SCAMP1: variants seen among roughly 807,000 people sequenced by gnomAD.
SCAMP1 encodes the protein secretory carrier membrane protein 1.
SCAMP1 carries 15 observed loss-of-function variants against 41.8 expected under a neutral mutation model. That is an observed-to-expected ratio of 0.36 (90% CI 0.24 to 0.55). SCAMP1 has a LOEUF of 0.55. SCAMP1 is among the 20% of genes least tolerant of loss of function. The pLI is 0.86. For missense variants in SCAMP1, 341 were observed against 412.6 expected, an observed-to-expected ratio of 0.83 and a Z score of 1.50; for synonymous variants, 135 against 136.8, an observed-to-expected ratio of 0.99 and a Z score of 0.09.
chr5:78,464,234 C>G (rs920115003), intron 8 of SCAMP1, among the ~76,000 whole-genome samples: 2 of 152,108 alleles, frequency 1.3e-5, no homozygotes, highest in African/African-American at 4.8e-5. Context: ...GCCTCCAACT[C>G]CCTGGTTCAA....
intron 1 of SCAMP1, among the ~76,000 whole-genome samples, chr5:78,387,690 GC>G (rs1751379554): frequency 6.6e-6 from 1 of 152,234 alleles, no homozygotes; most frequent in South Asian, 2.1e-4. Flanking sequence ...TACGGATGGG[GC>G]TTCCTGAGAG....
At chr5:78,395,563 T>C (rs549273019) in intron 2 of SCAMP1, among the ~76,000 whole-genome samples, 8 of 152,328 alleles carry the variant, frequency 5.3e-5, no homozygotes, top group Non-Finnish European at 8.8e-5. Context: ...GTCAAGCTGT[T>C]GTCTTGGCTG....
At chr5:78,448,130 T>C in intron 6 of SCAMP1, among the ~76,000 whole-genome samples, 1 of 41,728 alleles carries the variant, frequency 2.4e-5, no homozygotes, top group African/African-American at 1.1e-4. Context: ...TACTTCTTCC[T>C]CTTCTTCCTC....
intron 6 of SCAMP1, among the ~76,000 whole-genome samples, chr5:78,422,493 T>C (rs1262642091): frequency 1.3e-5 from 2 of 152,210 alleles, no homozygotes; most frequent in African/African-American, 4.8e-5. Context: ...ATGCTTTACA[T>C]AGTATATTTT....
chr5:78,363,602 C>A (rs745976337), intron 1 of SCAMP1, among the ~76,000 whole-genome samples: 2 of 152,138 alleles, frequency 1.3e-5, no homozygotes. Context: ...ATGCTAATTT[C>A]TTTTTCATTA....
At position 78,476,764 on chromosome 5, in the gene SCAMP1, C is replaced by G. The variant is rs1192584887; in HGVS notation, c.*1096C>G. 6.6e-6 allele frequency: 1 copy of G among 152,378 alleles called. No homozygotes were observed. The highest frequency in any genetic ancestry group is 1.9e-4 in the East Asian group (1 of 5,196). 9.4% of individuals were successfully genotyped at this position (152,378 alleles called of 1,614,324 possible). ...AATCCCTAAATGCACCTGTCTTTCA[C>G]TTTTTGAGACAGACTGAATATATCT... On this transcript the variant is annotated 3_prime_UTR_variant, in exon 9 of 9. Transcript: ENST00000621999.
intron 8 of SCAMP1, among the ~76,000 whole-genome samples, chr5:78,469,413 A>G (rs955157952): frequency 3.9e-5 from 6 of 151,930 alleles, no homozygotes; most frequent in Admixed American, 2.0e-4. Context: ...CTAGAAAAAA[A>G]TGGCACTCTT....
intron 6 of SCAMP1, among the ~76,000 whole-genome samples, chr5:78,437,304 A>T (rs1343535575): frequency 6.6e-6 from 1 of 152,188 alleles, no homozygotes; most frequent in African/African-American, 2.4e-5. Context: ...TTTCAAAGGG[A>T]ATGCTTCCAG....
chr5:78,370,211 G>C (rs562218925), intron 1 of SCAMP1, among the ~76,000 whole-genome samples: 5 of 152,232 alleles, frequency 3.3e-5, no homozygotes, highest in Non-Finnish European at 7.3e-5. Context: ...AAGGGTGATA[G>C]AGTTAAGCCT....
Position 78,369,847 on chromosome 5 carries a change from A to T in SCAMP1, c.57+9119A>T, listed in dbSNP as rs148316736. Among the ~76,000 whole-genome samples, 1,343 of 152,320 alleles carry T rather than the reference A, an allele frequency of 8.8e-3. 16 individuals are homozygous for T. The highest frequency in any genetic ancestry group is 0.03 in the African/African-American group (1,265 of 41,554). Reference sequence around the variant, plus strand: ...AGCTTCTGCTGAGGGAGCAGCCCTCATGGTAGCTTACACATTTGTGATCAT... The same window carrying T: ...AGCTTCTGCTGAGGGAGCAGCCCTCTTGGTAGCTTACACATTTGTGATCAT... On this transcript the variant is annotated intron_variant, in intron 1 of 8. Transcript: ENST00000621999.
rs868717501 is a variant in SCAMP1, at chr5:78,391,304, G to C, written c.135+2390G>C. Among the ~76,000 whole-genome samples the C allele has an allele frequency of 3.4e-4, 51 of 149,170 alleles. No individual in the cohort carries two copies. In the Middle Eastern group the frequency reaches 0.011, roughly 31 times the overall value. ...GGGCTGACCCCCCCACCTCCCTCCC[G>C]GACGGGGCGGCTGGCCGGGCAGAGG... On this transcript the variant is annotated intron_variant, in intron 2 of 8. Coordinates refer to ENST00000621999, the MANE Select transcript of SCAMP1 (RefSeq NM_004866.6).
intron 1 of SCAMP1, among the ~76,000 whole-genome samples, chr5:78,386,003 C>G (rs565283031): frequency 2.0e-4 from 30 of 152,134 alleles, no homozygotes; most frequent in African/African-American, 7.2e-4. Flanking sequence ...TCCATTGTTT[C>G]TTTGTTGACT....
chr5:78,461,084 G>T (rs1334041577), intron 8 of SCAMP1, among the ~76,000 whole-genome samples: 1 of 152,016 alleles, frequency 6.6e-6, no homozygotes. Context: ...TTGAACTCCA[G>T]ACCTCAAATG....
rs1561290939 is a variant in SCAMP1 at position 78,469,913 on chromosome 5, C to CAAAAAAAAAAAAA, written c.853-5584_853-5572dup. Among the ~76,000 whole-genome samples, 42 of 23,130 alleles carry CAAAAAAAAAAAAA rather than the reference C, an allele frequency of 1.8e-3. 1 individual carries two copies. The highest frequency in any genetic ancestry group is 2.0e-3 in the Non-Finnish European group (27 of 13,444). 15.2% of individuals were successfully genotyped at this position (23,130 alleles called of 152,430 possible). A position where few individuals can be genotyped will look rare whatever the true frequency, so the allele number is the denominator to read the frequency against. On this transcript the variant is annotated intron_variant, in intron 8 of 8. Transcript: ENST00000621999. ...ATTAAAAAAAAAAAAAAAAAAAAAA[C>CAAAAAAAAAAAAA]AAAAAAAAAAAAAAAAAAACAACAA...
chr5:78,439,524 A>G (rs1445438804), intron 6 of SCAMP1, among the ~76,000 whole-genome samples: 1 of 152,304 alleles, frequency 6.6e-6, no homozygotes, highest in East Asian at 1.9e-4. Context: ...GTTTTCTTTA[A>G]GAATATTGAA....
chr5:78,443,111 G>A (rs2112193249), intron 6 of SCAMP1, among the ~76,000 whole-genome samples: 2 of 151,416 alleles, frequency 1.3e-5, no homozygotes, highest in South Asian at 4.2e-4. Flanking sequence ...TATGCGTGAG[G>A]CTGAGGCAGG....
At chr5:78,427,657 A>G (rs1752500906) in intron 6 of SCAMP1, among the ~76,000 whole-genome samples, 1 of 152,276 alleles carries the variant, frequency 6.6e-6, no homozygotes, top group South Asian at 2.1e-4. Flanking sequence ...CATTCCCATC[A>G]GCAACGTCTG....
chr5:78,419,845 G>T (rs956354106), intron 5 of SCAMP1, among the ~76,000 whole-genome samples: 2 of 152,060 alleles, frequency 1.3e-5, no homozygotes, highest in Non-Finnish European at 2.9e-5. Context: ...TTTCCTAATG[G>T]ATAGTCTATT....
intron 1 of SCAMP1, among the ~76,000 whole-genome samples, chr5:78,382,421 T>A (rs1054558145): frequency 1.3e-5 from 2 of 152,192 alleles, no homozygotes; most frequent in Non-Finnish European, 2.9e-5. Flanking sequence ...TGATTCAGGT[T>A]TTTAAAAAAT....
Sources: allele counts gnomAD v4.1 joint callset (sites outside exome capture counted in the v4.1 genomes callset), GRCh38; gene constraint gnomAD v4.1.1; transcripts MANE v1.5; gene names NCBI Gene and HGNC (gene_info 2026-07-23, HGNC 2026-07-21).